The following RNF38 variants were observed in gnomAD, a reference collection of about 807,000 sequenced individuals.
RNF38 encodes the protein E3 ubiquitin-protein ligase RNF38.
In RNF38, 15 loss-of-function variants were observed where a neutral mutation model predicts 67.2. The ratio of observed to expected loss-of-function variants is 0.22; its 90% CI spans 0.15 to 0.34. The LOEUF (loss-of-function observed/expected upper bound fraction) is 0.34. Ranked by LOEUF, RNF38 falls within the 10% of genes least tolerant of loss-of-function variation. The probability of loss-of-function intolerance (pLI) is 1.00; values close to 1 mark genes in which losing one functional copy is unlikely to be tolerated. For missense variants in RNF38, 524 were observed against 639.9 expected (o/e 0.82, Z 1.95); for synonymous variants, 220 against 218.8 (o/e 1.01, Z -0.05).
At position 36,347,482 on chromosome 9, in the gene RNF38, C is replaced by T. The variant is rs147645521; in HGVS notation, c.1264-2529G>A. On this transcript the variant is annotated intron_variant, in intron 9 of 11. Coordinates refer to ENST00000259605, the MANE Select transcript of RNF38 (RefSeq NM_022781.5). ...ATCCTGGTGTCACATTTTGGTAATT[C>T]TCACAGCATTTCAAACTTTTTCATA... Among the ~76,000 whole-genome samples, 22 of 152,276 alleles carry T rather than the reference C, an allele frequency of 1.4e-4. 1 individual carries two copies. Among genetic ancestry groups the T allele is most frequent in the Middle Eastern group, 3.4e-3 (1 of 294 alleles).
rs1480492338 is a variant in RNF38 at position 36,351,203 on chromosome 9, C to T, written c.1179-4G>A. On this transcript the variant is annotated splice_region_variant and splice_polypyrimidine_tract_variant and intron_variant, in intron 8 of 11. Transcript: ENST00000259605. The stretch of plus-strand genomic sequence containing the variant: ...AGGTGGCACTGGAAGCATTGATCTG[C>T]AGTGAAAACAATCACACTAGCATTG... The T allele has an allele frequency of 6.2e-7, 1 of 1,604,620 alleles. No homozygotes were observed. The highest frequency in any genetic ancestry group is 8.5e-7 in the Non-Finnish European group (1 of 1,172,898).
At chr9:36,485,696 C>T (rs556407682) in intron 1 of RNF38, among the ~76,000 whole-genome samples, 1 of 152,320 alleles carries the variant, frequency 6.6e-6, no homozygotes, top group African/African-American at 2.4e-5. Flanking sequence ...ACAGCCACCA[C>T]AGCAGGAAAG....
intron 3 of RNF38, among the ~76,000 whole-genome samples, chr9:36,370,985 G>A (rs955817322): frequency 1.3e-5 from 2 of 152,064 alleles, no homozygotes; most frequent in African/African-American, 2.4e-5. Context: ...CATCGACATA[G>A]TTTAATAAAA....
rs1832599789 is a variant in RNF38 at position 36,338,447 on chromosome 9, T to C, written c.*1305A>G. The C allele has an allele frequency of 6.6e-6, 1 of 152,210 alleles. No individual in the cohort carries two copies. Among genetic ancestry groups the C allele is most frequent in the Non-Finnish European group, 1.5e-5 (1 of 68,038 alleles). The allele number at this position is 152,210 out of a possible 1,614,324, so 9.4% of individuals were successfully genotyped here. ...CAAAACAAATCAGGTCTAAGGAACA[T>C]GAGCTGTAACAGCACTTGATCCATC... On this transcript the variant is annotated 3_prime_UTR_variant, in exon 12 of 12. Transcript: ENST00000259605.
chr9:36,467,022 T>C (rs557197970), intron 1 of RNF38, among the ~76,000 whole-genome samples: 12 of 143,698 alleles, frequency 8.4e-5, no homozygotes, highest in African/African-American at 2.9e-4. Flanking sequence ...CTACTAAAAA[T>C]ACAAAAATTA....
intron 1 of RNF38, among the ~76,000 whole-genome samples, chr9:36,483,036 G>C (rs962713286): frequency 6.6e-6 from 1 of 152,148 alleles, no homozygotes; most frequent in East Asian, 1.9e-4. Context: ...CTTGCCACCT[G>C]AAACAGGTAT....
intron 3 of RNF38, among the ~76,000 whole-genome samples, chr9:36,373,332 T>C (rs9407035): frequency 0.6 from 90,612 of 152,044 alleles, 27,382 homozygotes; most frequent in Non-Finnish European, 0.65. Context: ...GCTACTGCTA[T>C]CAACATTAAA....
intron 2 of RNF38, among the ~76,000 whole-genome samples, chr9:36,385,523 C>A (rs1836552438): frequency 6.6e-6 from 1 of 152,132 alleles, no homozygotes; most frequent in Admixed American, 6.6e-5. Flanking sequence ...GGATTACAGG[C>A]ATGTGCCACC....
intron 1 of RNF38, among the ~76,000 whole-genome samples, chr9:36,392,218 G>A (rs1426226564): frequency 6.6e-5 from 10 of 152,132 alleles, no homozygotes; most frequent in African/African-American, 2.2e-4. Flanking sequence ...ACAGATAACT[G>A]TGCCCACTGG....
rs566007845 is a variant in RNF38, at chr9:36,454,711, T to C, written n.242-30028A>G. 1.2e-4 allele frequency among the ~76,000 whole-genome samples: 18 copies of C among 151,408 alleles called. No homozygotes were observed. The South Asian group carries it at 1.7e-3, about 14-fold the overall frequency. On this transcript the variant is annotated intron_variant and non_coding_transcript_variant, in intron 1 of 3. Coordinates refer to the RNF38 transcript ENST00000488058. The stretch of plus-strand genomic sequence containing the variant: ...GATTCTCCTGCTTCAGCCTGCTTAG[T>C]AGCTGGGATTACAGGTGTTCACTAC...
intron 3 of RNF38, chr9:36,372,441 T>C (rs1835459149): frequency 3.1e-6 from 2 of 646,200 alleles, no homozygotes; most frequent in African/African-American, 1.8e-5. Flanking sequence ...CATTTATTAA[T>C]AGTATCCCTC....
chr9:36,379,891 C>A (rs1836082068), intron 2 of RNF38, among the ~76,000 whole-genome samples: 1 of 152,184 alleles, frequency 6.6e-6, no homozygotes, highest in African/African-American at 2.4e-5. Context: ...CTGACCTTGT[C>A]ATCTAAAGCA....
rs935824067 is a variant in RNF38 at position 36,341,870 on chromosome 9, A to G, written c.1485+455T>C. Among the ~76,000 whole-genome samples, 3 of 43,336 alleles carry G rather than the reference A, an allele frequency of 6.9e-5. 1 individual carries two copies. Among genetic ancestry groups the G allele is most frequent in the Non-Finnish European group, 1.7e-4 (3 of 17,802 alleles). The allele number at this position is 43,336 out of a possible 152,430, so 28.4% of individuals were successfully genotyped here. A position where few individuals can be genotyped will look rare whatever the true frequency, so the allele number is the denominator to read the frequency against. On this transcript the variant is annotated intron_variant, in intron 11 of 11. Transcript: ENST00000259605. ...TATATATATATATATATATATAAAG[A>G]AGCCCCTGCAATAATTTCACTCTGG...
At chr9:36,438,260 C>T (rs1388092546) in intron 1 of RNF38, among the ~76,000 whole-genome samples, 2 of 152,028 alleles carry the variant, frequency 1.3e-5, no homozygotes, top group Non-Finnish European at 2.9e-5. Context: ...TTTTATCAGA[C>T]CTTCAAAGTA....
chr9:36,417,152 G>T (rs1238000766), intron 2 of RNF38, among the ~76,000 whole-genome samples: 1 of 152,100 alleles, frequency 6.6e-6, no homozygotes, highest in Non-Finnish European at 1.5e-5. Flanking sequence ...GGATTTTCAG[G>T]TTCCCCAGTG....
At chr9:36,393,793 T>C (rs1453936844) in intron 1 of RNF38, among the ~76,000 whole-genome samples, 1 of 152,122 alleles carries the variant, frequency 6.6e-6, no homozygotes, top group African/African-American at 2.4e-5. Flanking sequence ...CAAGAGATTC[T>C]CTTGCCAATT....
At chr9:36,449,604 T>G (rs1461782325) in intron 1 of RNF38, among the ~76,000 whole-genome samples, 1 of 152,074 alleles carries the variant, frequency 6.6e-6, no homozygotes, top group Non-Finnish European at 1.5e-5. Context: ...CCCGGCTAAT[T>G]TTTTGTATTT....
At position 36,341,484 on chromosome 9, in the gene RNF38, C is replaced by A. The variant is rs552451626; in HGVS notation, c.1485+841G>T. Among the ~76,000 whole-genome samples, 10 of 152,218 alleles carry A rather than the reference C, an allele frequency of 6.6e-5. 1 individual carries two copies. Among genetic ancestry groups the A allele is most frequent in the African/African-American group, 1.9e-4 (8 of 41,530 alleles). On this transcript the variant is annotated intron_variant, in intron 11 of 11. Coordinates refer to ENST00000259605, the MANE Select transcript of RNF38 (RefSeq NM_022781.5). ...TATATAGTCATGGAGCCACTGCACC[C>A]AGCCTATTAAAATTCTTTTACTGTA... is the stretch of plus-strand genomic sequence containing the variant.
chr9:36,378,387 A>G (rs187047713), intron 2 of RNF38, among the ~76,000 whole-genome samples: 1 of 152,196 alleles, frequency 6.6e-6, no homozygotes, highest in African/African-American at 2.4e-5. Flanking sequence ...CTTGTTAGCT[A>G]GGATGGTCTT....
Sources: allele counts gnomAD v4.1 joint callset (sites outside exome capture counted in the v4.1 genomes callset), GRCh38; gene constraint gnomAD v4.1.1; transcripts MANE v1.5; gene names NCBI Gene and HGNC (gene_info 2026-07-23, HGNC 2026-07-21).